The following ANKRD13C variants were observed in gnomAD, a reference collection of about 807,000 sequenced individuals.
The protein encoded by ANKRD13C is ankyrin repeat domain-containing protein 13C.
A neutral mutation model predicts 65.5 loss-of-function variants in ANKRD13C; 16 were observed. That is an observed-to-expected ratio of 0.24 (90% CI 0.17 to 0.37). ANKRD13C has a LOEUF of 0.37. ANKRD13C is among the 10% of genes least tolerant of loss of function. The pLI, the probability that ANKRD13C is intolerant of heterozygous loss-of-function variation, is 1.00. For missense variants in ANKRD13C, 503 were observed against 655.9 expected (o/e 0.77, Z 2.55); for synonymous variants, 235 against 238.7 (o/e 0.98, Z 0.14).
intron 1 of ANKRD13C, among the ~76,000 whole-genome samples, chr1:70,340,263 T>C (rs750556848): frequency 2.9e-4 from 44 of 152,338 alleles, no homozygotes; most frequent in Non-Finnish European, 5.7e-4. Flanking sequence ...TAAAATAAAC[T>C]CAAATTGGGA....
At chr1:70,351,854 A>T (rs1364538555) in intron 1 of ANKRD13C, among the ~76,000 whole-genome samples, 1 of 152,184 alleles carries the variant, frequency 6.6e-6, no homozygotes, top group African/African-American at 2.4e-5. Context: ...GGGAGAAAAA[A>T]TGACTAAATA....
intron 1 of ANKRD13C, among the ~76,000 whole-genome samples, chr1:70,338,425 A>G (rs897542130): frequency 2.6e-5 from 4 of 152,090 alleles, no homozygotes; most frequent in Non-Finnish European, 5.9e-5. Context: ...TGTGTGAGAC[A>G]GAGTCTCCTT....
rs190553395 is a variant in ANKRD13C at position 70,259,360 on chromosome 1, T to C, written c.*3357A>G. On this transcript the variant is annotated 3_prime_UTR_variant, in exon 13 of 13. Transcript: ENST00000370944. ...ACCTTTCTTAGAAGTTCTTAAGATT[T>C]TGCTTCAATATTTTTCAGTGTGTGG... Among the ~76,000 whole-genome samples the C allele has an allele frequency of 2.4e-4, 36 of 152,334 alleles. No homozygotes were observed. The highest frequency in any genetic ancestry group is 7.5e-4 in the African/African-American group (31 of 41,576).
intron 1 of ANKRD13C, among the ~76,000 whole-genome samples, chr1:70,348,809 C>T (rs1682634120): frequency 6.6e-6 from 1 of 152,052 alleles, no homozygotes; most frequent in South Asian, 2.1e-4. Context: ...TGAAAATTAA[C>T]AAGGAAAAAT....
chr1:70,304,126 C>G (rs1680491959), intron 6 of ANKRD13C, among the ~76,000 whole-genome samples: 1 of 152,196 alleles, frequency 6.6e-6, no homozygotes, highest in Non-Finnish European at 1.5e-5. Flanking sequence ...ACTGTAGCCT[C>G]AAGCTCCTGG....
chr1:70,319,786 A>G (rs144042046), intron 3 of ANKRD13C, among the ~76,000 whole-genome samples: 15 of 152,228 alleles, frequency 9.9e-5, no homozygotes, highest in African/African-American at 3.4e-4. Context: ...AAGAACCTGA[A>G]TAACTTTTCC....
chr1:70,276,059 G>A (rs1679122030), intron 10 of ANKRD13C, among the ~76,000 whole-genome samples: 1 of 149,682 alleles, frequency 6.7e-6, no homozygotes, highest in African/African-American at 2.5e-5. Flanking sequence ...AAAAAAAAAT[G>A]ACAACTTCTT....
intron 1 of ANKRD13C, among the ~76,000 whole-genome samples, chr1:70,349,768 AAAAT>A (rs1332422645): frequency 4.6e-5 from 7 of 152,340 alleles, no homozygotes; most frequent in Admixed American, 3.9e-4. Context: ...TGAGGTTAAA[AAAAT>A]AAATAAATAC....
chr1:70,287,276 C>T (rs1016873798), intron 9 of ANKRD13C, among the ~76,000 whole-genome samples: 6 of 151,754 alleles, frequency 4.0e-5, no homozygotes, highest in South Asian at 2.1e-4. Context: ...CAAGTCTCAC[C>T]GAATTGATCT....
At chr1:70,346,572 T>C (rs1446113426) in intron 1 of ANKRD13C, among the ~76,000 whole-genome samples, 1 of 152,110 alleles carries the variant, frequency 6.6e-6, no homozygotes, top group Non-Finnish European at 1.5e-5. Context: ...TTCTACAGAC[T>C]CCTTCAAGTC....
rs1678317225 is a variant in ANKRD13C, at chr1:70,259,100, A to T, written c.*3617T>A. Among the ~76,000 whole-genome samples, 1 of 152,156 alleles carries T rather than the reference A, an allele frequency of 6.6e-6. No homozygotes were observed. The highest frequency in any genetic ancestry group is 1.5e-5 in the Non-Finnish European group (1 of 68,016). On this transcript the variant is annotated 3_prime_UTR_variant, in exon 13 of 13. Coordinates refer to ENST00000370944, the MANE Select transcript of ANKRD13C (RefSeq NM_030816.5). ...CCCAATATGGTTCTCACAATGACAA[A>T]ATCACCTGATGCATTCCACAGAACA...
In ANKRD13C at chr1:70,265,847, A is replaced by G. The variant is rs546594267; in HGVS notation, c.1496-3000T>C. ...CTCAAAAAAAAAAAAAAAAAAAAAA[A>G]AAAAGAAAAGAAAAGAAAAGAAGAA... On this transcript the variant is annotated intron_variant, in intron 12 of 12. Transcript: ENST00000370944. Among the ~76,000 whole-genome samples the G allele has an allele frequency of 3.0e-3, 436 of 144,938 alleles. 2 individuals carry two copies. Among genetic ancestry groups the G allele is most frequent in the East Asian group, 0.011 (53 of 4,920 alleles).
chr1:70,345,247 T>C (rs1275683058), intron 1 of ANKRD13C, among the ~76,000 whole-genome samples: 3 of 151,988 alleles, frequency 2.0e-5, no homozygotes, highest in African/African-American at 7.3e-5. Context: ...CTGACCAATA[T>C]GGAGAAACCC....
At chr1:70,302,461 TCACGC>T (rs1426764883) in intron 6 of ANKRD13C, among the ~76,000 whole-genome samples, 4 of 110,636 alleles carry the variant, frequency 3.6e-5, no homozygotes, top group Non-Finnish European at 7.2e-5. Flanking sequence ...GCGCGGTGGC[TCACGC>T]CTGTAATCCC....
chr1:70,320,692 T>C (rs1007338609), intron 3 of ANKRD13C, among the ~76,000 whole-genome samples: 1 of 152,030 alleles, frequency 6.6e-6, no homozygotes, highest in Non-Finnish European at 1.5e-5. Context: ...TAATTCCTAA[T>C]TTTCTACGAT....
At chr1:70,271,026 A>G in intron 11 of ANKRD13C, 70 bp from the exon 12 acceptor site, 1 of 929,416 alleles carries the variant, frequency 1.1e-6, no homozygotes, top group Non-Finnish European at 1.7e-6. Flanking sequence ...CTTTTCAACT[A>G]CATGCTTCAA....
Position 70,270,859 on chromosome 1 carries a change from AT to A in ANKRD13C, c.1491del (p.Lys497AsnfsTer2). Reference protein sequence around the residue: ...QMKLPPGFPVKLDIPVFPTIT... With the variant: ...QMKLPPGFPVXLDIPVFPTIT... ...TATATCTAATTTTTTCTCTTACCTA[AT>A]TTTACAGGAAAGCCTGGAGGAAGCT... is the stretch of plus-strand genomic sequence containing the variant. On this transcript the variant is annotated frameshift_variant, in exon 12 of 13. Coordinates refer to ENST00000370944, the MANE Select transcript of ANKRD13C (RefSeq NM_030816.5). LOFTEE classifies it high-confidence loss of function. 1 of 1,600,354 alleles carries A rather than the reference AT, an allele frequency of 6.2e-7. No homozygotes were observed. Among genetic ancestry groups the A allele is most frequent in the South Asian group, 1.1e-5 (1 of 89,746 alleles).
Position 70,264,445 on chromosome 1 carries a change from G to A in ANKRD13C, c.1496-1598C>T, listed in dbSNP as rs949287462. Among the ~76,000 whole-genome samples, 10 of 123,674 alleles carry A rather than the reference G, an allele frequency of 8.1e-5. No individual in the cohort carries two copies. In the Admixed American group the frequency reaches 8.6e-4, roughly 11 times the overall value. The allele number at this position is 123,674 out of a possible 152,430, so 81.1% of individuals were successfully genotyped here. A position where few individuals can be genotyped will look rare whatever the true frequency, so the allele number is the denominator to read the frequency against. ...GAGCCAAGATTGCGCCACTACACTA[G>A]AGCCTGGGGAACAGAGCAAGACTCT... On this transcript the variant is annotated intron_variant, in intron 12 of 12. Coordinates refer to ENST00000370944, the MANE Select transcript of ANKRD13C (RefSeq NM_030816.5).
At chr1:70,312,667 C>CAA (rs55916932) in intron 5 of ANKRD13C, among the ~76,000 whole-genome samples, 27 of 115,100 alleles carry the variant, frequency 2.3e-4, no homozygotes, top group East Asian at 9.1e-4. Flanking sequence ...ACTCTGTCTC[C>CAA]AAAAAAAAAA....
Sources: allele counts gnomAD v4.1 joint callset (sites outside exome capture counted in the v4.1 genomes callset), GRCh38; gene constraint gnomAD v4.1.1; transcripts MANE v1.5; gene names NCBI Gene and HGNC (gene_info 2026-07-23, HGNC 2026-07-21).